PAPPA2: variants seen among roughly 807,000 people sequenced by gnomAD.
The protein encoded by PAPPA2 is pappalysin 2, also known as pappalysin-2.
PAPPA2 carries 86 observed loss-of-function variants against 176.4 expected under a neutral mutation model. The ratio of observed to expected loss-of-function variants is 0.49; its 90% CI spans 0.41 to 0.58. PAPPA2 has a LOEUF of 0.58. Ranked by LOEUF, PAPPA2 falls within the 20% of genes least tolerant of loss-of-function variation. The probability of loss-of-function intolerance (pLI) is 0.00; values close to 1 mark genes in which losing one functional copy is unlikely to be tolerated. For missense variants in PAPPA2, 2,073 were observed against 2,256.9 expected (o/e 0.92, Z 1.65); for synonymous variants, 809 against 852.2 (o/e 0.95, Z 0.88).
At chr1:176,559,329 A>G (rs1651524244) in intron 2 of PAPPA2, among the ~76,000 whole-genome samples, 2 of 152,220 alleles carry the variant, frequency 1.3e-5, no homozygotes, top group Admixed American at 1.3e-4. Flanking sequence ...GAGGGCAGGG[A>G]ATGCCCAGGG....
chr1:176,615,221 G>C (rs1406580103), intron 3 of PAPPA2, among the ~76,000 whole-genome samples: 1 of 152,202 alleles, frequency 6.6e-6, no homozygotes, highest in African/African-American at 2.4e-5. Flanking sequence ...GCACCTCAGA[G>C]TGCAAATATT....
chr1:176,788,217 C>T (rs1465954734), intron 17 of PAPPA2, among the ~76,000 whole-genome samples: 1 of 152,164 alleles, frequency 6.6e-6, no homozygotes, highest in Non-Finnish European at 1.5e-5. Context: ...CGAATATAAA[C>T]CAGATATCAC....
intron 3 of PAPPA2, among the ~76,000 whole-genome samples, chr1:176,662,533 T>G (rs1367154774): frequency 6.6e-6 from 1 of 152,244 alleles, no homozygotes; most frequent in East Asian, 1.9e-4. Context: ...TTTATCATTC[T>G]TTGCACTTTT....
chr1:176,629,164 G>T (rs190977850), intron 3 of PAPPA2, among the ~76,000 whole-genome samples: 4 of 152,286 alleles, frequency 2.6e-5, no homozygotes, highest in Admixed American at 6.5e-5. Context: ...CAGTTGGCAG[G>T]ATTTCAGAGT....
chr1:176,645,821 G>T (rs1173078173), intron 3 of PAPPA2, among the ~76,000 whole-genome samples: 1 of 151,678 alleles, frequency 6.6e-6, no homozygotes. Context: ...GTTTTGGTTT[G>T]AATTTCCCTA....
intron 21 of PAPPA2, among the ~76,000 whole-genome samples, chr1:176,818,085 G>C (rs1250748904): frequency 2.0e-5 from 3 of 152,122 alleles, no homozygotes; most frequent in Non-Finnish European, 2.9e-5. Context: ...ATTTAAGAAG[G>C]GAGGCCTAAG....
At chr1:176,489,255 C>T (rs1035604899) in intron 1 of PAPPA2, among the ~76,000 whole-genome samples, 2 of 152,060 alleles carry the variant, frequency 1.3e-5, no homozygotes, top group African/African-American at 4.8e-5. Context: ...ATGTTGTGGC[C>T]TGGTTAATTG....
chr1:176,793,532 T>C (rs747810175), intron 19 of PAPPA2, 28 bp from the exon 20 acceptor site: 3 of 1,550,398 alleles, frequency 1.9e-6, no homozygotes, highest in Non-Finnish European at 1.8e-6. Context: ...GAAGTTCAAG[T>C]CTCTGCTGTA....
rs3979574 is a variant in PAPPA2, at chr1:176,634,966, AATAGATAGATAG to A, written c.1992-35965_1992-35954del. 4.0e-3 allele frequency among the ~76,000 whole-genome samples: 536 copies of A among 135,250 alleles called. 1 individual carries two copies. The highest frequency in any genetic ancestry group is 0.011 in the Middle Eastern group (3 of 270). The allele number at this position is 135,250 out of a possible 152,430, so 88.7% of individuals were successfully genotyped here. On this transcript the variant is annotated intron_variant, in intron 3 of 22. Transcript: ENST00000367662. ...TGATAGGTAGATAGATAGATAGATA[AATAGATAGATAG>A]ATAGATAGATAGATAGATAGATAGA... is the stretch of plus-strand genomic sequence containing the variant.
At chr1:176,635,904 C>G (rs1656672566) in intron 3 of PAPPA2, among the ~76,000 whole-genome samples, 1 of 151,966 alleles carries the variant, frequency 6.6e-6, no homozygotes, top group Non-Finnish European at 1.5e-5. Flanking sequence ...ATTCATGGCA[C>G]CTCGCACAGT....
At chr1:176,692,387 G>A (rs1433977665) in intron 6 of PAPPA2, 69 bp downstream of exon 6, 1 of 1,434,190 alleles carries the variant, frequency 7.0e-7, no homozygotes, top group African/African-American at 1.4e-5. Flanking sequence ...ATGAGGGGAA[G>A]AATATGAATC....
chr1:176,544,404 T>G (rs1320883937), intron 1 of PAPPA2, among the ~76,000 whole-genome samples: 1 of 152,252 alleles, frequency 6.6e-6, no homozygotes, highest in East Asian at 1.9e-4. Flanking sequence ...TTGGAAACAC[T>G]GATGGCCTAT....
rs765632110 is a variant in PAPPA2 at position 176,771,147 on chromosome 1, A to G, written c.4682A>G (p.Tyr1561Cys). The change falls in exon 17 of 23, where the codon TAT becomes TGT. Residue 1561 changes from tyrosine to cysteine, a missense_variant. Tyr to Cys is a radical substitution (Grantham distance 194, BLOSUM62 -2). Transcript: ENST00000367662. The stretch of plus-strand genomic sequence containing the variant: ...AAATATGAATGCAAACCAGGGTACT[A>G]TGTGGCAGAAAGTGCAGAGGGTAAA... ...ICKYECKPGY[Y>C]VAESAEGKVR... 5.6e-6 allele frequency: 9 copies of G among 1,614,194 alleles called. No individual in the cohort carries two copies. Among genetic ancestry groups the G allele is most frequent in the Non-Finnish European group, 7.6e-6 (9 of 1,180,020 alleles).
At chr1:176,836,736 C>T (rs1231304469) in intron 21 of PAPPA2, 1 of 152,032 alleles carries the variant, frequency 6.6e-6, no homozygotes, top group Non-Finnish European at 1.5e-5. Context: ...CCCTCACCCC[C>T]AAAATCTGGA....
At chr1:176,798,576 A>AT (rs1159250763) in intron 20 of PAPPA2, among the ~76,000 whole-genome samples, 1 of 152,240 alleles carries the variant, frequency 6.6e-6, no homozygotes, top group Non-Finnish European at 1.5e-5. Flanking sequence ...AAATAATAAA[A>AT]TTTATGACCA....
At chr1:176,508,066 A>G (rs1212074040) in intron 1 of PAPPA2, among the ~76,000 whole-genome samples, 6 of 152,178 alleles carry the variant, frequency 3.9e-5, no homozygotes, top group Non-Finnish European at 7.4e-5. Context: ...CTATCCTTAT[A>G]GTAAAGGCTA....
intron 1 of PAPPA2, among the ~76,000 whole-genome samples, chr1:176,482,450 A>G (rs1178152219): frequency 6.6e-6 from 1 of 152,196 alleles, no homozygotes; most frequent in Non-Finnish European, 1.5e-5. Context: ...CGCTAATTGA[A>G]CATTGTTACT....
rs575089153 is a variant in PAPPA2 at position 176,463,274 on chromosome 1, C to T, written c.-1061C>T. On this transcript the variant is annotated 5_prime_UTR_variant, in exon 1 of 23. Transcript: ENST00000367662. ...CACTTTCAGTATTTTCCAACTCATCCTTAAATTCCTTCTCACAACAGTGTC... is the reference window on the plus strand; with the variant it reads ...CACTTTCAGTATTTTCCAACTCATCTTTAAATTCCTTCTCACAACAGTGTC... The T allele has an allele frequency of 6.6e-6, 1 of 152,338 alleles. No homozygotes were observed. Among genetic ancestry groups the T allele is most frequent in the Non-Finnish European group, 1.5e-5 (1 of 68,054 alleles). 9.4% of individuals were successfully genotyped at this position (152,338 alleles called of 1,614,324 possible). A position where few individuals can be genotyped will look rare whatever the true frequency, so the allele number is the denominator to read the frequency against.
intron 21 of PAPPA2, among the ~76,000 whole-genome samples, chr1:176,819,858 T>A (rs1255627147): frequency 6.6e-6 from 1 of 152,158 alleles, no homozygotes; most frequent in South Asian, 2.1e-4. Flanking sequence ...CTGGAACTAG[T>A]TTTTGCATCT....
Sources: gnomAD v4.1 joint callset for allele counts (sites outside exome capture counted in the v4.1 genomes callset) on GRCh38, gnomAD v4.1.1 for gene constraint, MANE v1.5 for transcripts, NCBI Gene and HGNC (gene_info 2026-07-23, HGNC 2026-07-21) for gene names.